Variants in FGF14 observed in about 807,000 individuals in gnomAD.
FGF14 encodes the protein fibroblast growth factor 14, also known as fibroblast growth factor homologous factor 4.
In FGF14, 5 loss-of-function variants were observed where a neutral mutation model predicts 25.5. That is an observed-to-expected ratio of 0.20 (90% CI 0.10 to 0.41). The LOEUF (loss-of-function observed/expected upper bound fraction) is 0.41. Among genes scored for constraint, FGF14 ranks in the 10% least tolerant of loss-of-function variants. The probability of loss-of-function intolerance (pLI) is 1.00; values close to 1 mark genes in which losing one functional copy is unlikely to be tolerated. For missense variants in FGF14, 222 were observed against 320.1 expected, an observed-to-expected ratio of 0.69 and a Z score of 2.34; for synonymous variants, 138 against 118.3, an observed-to-expected ratio of 1.17 and a Z score of -1.08.
At chr13:102,270,292 C>T (rs954085991) in intron 1 of FGF14, among the ~76,000 whole-genome samples, 8 of 152,072 alleles carry the variant, frequency 5.3e-5, no homozygotes, top group African/African-American at 1.9e-4. Flanking sequence ...TAAGCATAAA[C>T]ATAATTTTTA....
At chr13:102,271,964 T>C (rs1384085424) in intron 1 of FGF14, among the ~76,000 whole-genome samples, 4 of 152,118 alleles carry the variant, frequency 2.6e-5, no homozygotes, top group African/African-American at 9.7e-5. Flanking sequence ...CTCAGAAGAA[T>C]CTTTTTGAAA....
At chr13:101,766,560 C>G (rs2139940602) in intron 3 of FGF14, among the ~76,000 whole-genome samples, 1 of 152,290 alleles carries the variant, frequency 6.6e-6, no homozygotes, top group South Asian at 2.1e-4. Context: ...TGTTGAACAG[C>G]ATCAAAAGCA....
At chr13:101,739,374 CTAA>C (rs932984460) in intron 3 of FGF14, among the ~76,000 whole-genome samples, 6 of 151,808 alleles carry the variant, frequency 4.0e-5, no homozygotes, top group African/African-American at 7.3e-5. Context: ...AGTGTACAGT[CTAA>C]TGAGAGACAA....
At chr13:101,787,893 C>T (rs899074501) in intron 3 of FGF14, among the ~76,000 whole-genome samples, 4 of 152,112 alleles carry the variant, frequency 2.6e-5, no homozygotes, top group African/African-American at 9.7e-5. Context: ...TATTTTGAGA[C>T]AGAGTTTAGC....
chr13:102,116,904 A>T (rs2045497631), intron 1 of FGF14, among the ~76,000 whole-genome samples: 4 of 152,126 alleles, frequency 2.6e-5, no homozygotes, highest in Admixed American at 2.6e-4. Context: ...GCCCTACCTT[A>T]CCTCCCAGCA....
At chr13:101,906,056 T>C (rs1373658642) in intron 1 of FGF14, among the ~76,000 whole-genome samples, 2 of 152,156 alleles carry the variant, frequency 1.3e-5, no homozygotes, top group Non-Finnish European at 2.9e-5. Context: ...TTCCTTTAAT[T>C]CATCAGGTAT....
chr13:102,030,801 C>T (rs183797725), intron 1 of FGF14, among the ~76,000 whole-genome samples: 41 of 152,108 alleles, frequency 2.7e-4, no homozygotes, highest in Admixed American at 4.6e-4. Flanking sequence ...GAGTAATTGT[C>T]TTACTTTTGT....
intron 1 of FGF14, among the ~76,000 whole-genome samples, chr13:102,285,332 A>G (rs1357650469): frequency 6.6e-6 from 1 of 152,150 alleles, no homozygotes; most frequent in Non-Finnish European, 1.5e-5. Flanking sequence ...TCTGGTAGCT[A>G]TTTTTCTGGA....
At chr13:101,943,826 A>AATATATATATATATATATAT (rs1206422692) in intron 1 of FGF14, among the ~76,000 whole-genome samples, 10 of 126,806 alleles carry the variant, frequency 7.9e-5, no homozygotes, top group African/African-American at 3.4e-4. Flanking sequence ...AAAAAAAAAA[A>AATATATATATATATATATAT]ATATATATAT....
chr13:102,357,556 C>A (rs145614289), intron 1 of FGF14, among the ~76,000 whole-genome samples: 1 of 152,236 alleles, frequency 6.6e-6, no homozygotes, highest in African/African-American at 2.4e-5. Context: ...AAATTTGAAT[C>A]CTGAATCCAT....
chr13:102,353,296 A>G (rs188643294), intron 1 of FGF14, among the ~76,000 whole-genome samples: 55 of 152,214 alleles, frequency 3.6e-4, no homozygotes, highest in African/African-American at 1.3e-3. Flanking sequence ...CCAAGTCTTC[A>G]CTGTTGGTGT....
chr13:102,286,255 G>A (rs1490607113), intron 1 of FGF14, among the ~76,000 whole-genome samples: 1 of 151,886 alleles, frequency 6.6e-6, no homozygotes, highest in Non-Finnish European at 1.5e-5. Context: ...CCCTGACCAC[G>A]TTCTCCCCCG....
At chr13:101,928,369 T>C (rs541325662) in intron 1 of FGF14, among the ~76,000 whole-genome samples, 2 of 152,122 alleles carry the variant, frequency 1.3e-5, no homozygotes, top group Admixed American at 6.5e-5. Context: ...TTTAATAGTA[T>C]ACTTAAAACA....
intron 1 of FGF14, among the ~76,000 whole-genome samples, chr13:102,317,899 G>A (rs1202208417): frequency 6.6e-6 from 1 of 152,196 alleles, no homozygotes; most frequent in Non-Finnish European, 1.5e-5. Context: ...CTTTCAGTAA[G>A]CTGCCCTATT....
chr13:101,949,455 G>C (rs954290407), intron 1 of FGF14, among the ~76,000 whole-genome samples: 2 of 152,204 alleles, frequency 1.3e-5, no homozygotes, highest in African/African-American at 4.8e-5. Flanking sequence ...CTGAACGAGT[G>C]GTTCTTTGGA....
intron 3 of FGF14, chr13:101,779,015 C>T (rs2039322002): frequency 6.6e-6 from 1 of 152,206 alleles, no homozygotes; most frequent in African/African-American, 2.4e-5. Flanking sequence ...AAACCATTTT[C>T]ATGATCATGC....
intron 1 of FGF14, among the ~76,000 whole-genome samples, chr13:101,942,652 G>A (rs1180421045): frequency 1.3e-5 from 2 of 152,140 alleles, no homozygotes; most frequent in East Asian, 3.9e-4. Flanking sequence ...AACTAGTTCT[G>A]CAATTCTGGG....
At chr13:101,957,222 C>T (rs555245803) in intron 1 of FGF14, among the ~76,000 whole-genome samples, 58 of 152,140 alleles carry the variant, frequency 3.8e-4, no homozygotes, top group Non-Finnish European at 7.6e-4. Context: ...GAATGCTGCA[C>T]TTTTCTTGTC....
intron 1 of FGF14, among the ~76,000 whole-genome samples, chr13:102,115,138 G>A (rs964460595): frequency 7.9e-5 from 12 of 152,144 alleles, no homozygotes; most frequent in Non-Finnish European, 1.8e-4. Context: ...TTCTCATGGT[G>A]ATGACAGCAC....
Sources: allele counts gnomAD v4.1 joint callset (sites outside exome capture counted in the v4.1 genomes callset), GRCh38; gene constraint gnomAD v4.1.1; transcripts MANE v1.5; gene names NCBI Gene and HGNC (gene_info 2026-07-23, HGNC 2026-07-21).